TPRG1: variants seen among roughly 807,000 people sequenced by gnomAD.
TPRG1 encodes tumor protein p63-regulated gene 1 protein.
A neutral mutation model predicts 29.3 loss-of-function variants in TPRG1; 29 were observed. That is an observed-to-expected ratio of 0.99 (90% confidence interval 0.74 to 1.35). The LOEUF (loss-of-function observed/expected upper bound fraction) is 1.35, where lower values mean the gene tolerates loss of function less well. Among genes scored for constraint, TPRG1 ranks in the 40% most tolerant of loss-of-function variants. The pLI, the probability that TPRG1 is intolerant of heterozygous loss-of-function variation, is 0.00. For synonymous variants in TPRG1, 130 were observed against 116.8 expected (o/e 1.11, Z -0.73); for missense variants, 327 against 335.0 (o/e 0.98, Z 0.19).
chr3:189,082,136 C>T (rs370183872), intron 4 of TPRG1, among the ~76,000 whole-genome samples: 1 of 152,098 alleles, frequency 6.6e-6, no homozygotes, highest in South Asian at 2.1e-4. Flanking sequence ...GAGGGACACA[C>T]AAGGTGAAAA....
intron 1 of TPRG1, among the ~76,000 whole-genome samples, chr3:189,174,017 G>A (rs1055359694): frequency 1.3e-5 from 2 of 152,110 alleles, no homozygotes; most frequent in South Asian, 2.1e-4. Context: ...GGCAAGAGGT[G>A]GTGGCATCTT....
intron 4 of TPRG1, among the ~76,000 whole-genome samples, chr3:189,245,043 C>T (rs1335283147): frequency 2.6e-5 from 4 of 152,066 alleles, no homozygotes; most frequent in Non-Finnish European, 4.4e-5. Context: ...GCCTCAGCCT[C>T]CCAAGTAGCT....
intron 3 of TPRG1, among the ~76,000 whole-genome samples, chr3:189,008,490 C>T (rs961565948): frequency 1.1e-4 from 16 of 152,148 alleles, no homozygotes; most frequent in African/African-American, 1.9e-4. Flanking sequence ...GTGGAAATAA[C>T]CTTGGCCTGG....
upstream of TPRG1, among the ~76,000 whole-genome samples, chr3:189,099,344 C>T (rs926792028): frequency 6.6e-6 from 1 of 152,108 alleles, no homozygotes; most frequent in Non-Finnish European, 1.5e-5. Context: ...TGCTCTTGCG[C>T]TGACGAAGTG....
At chr3:189,038,188 A>G (rs1183878865) in intron 4 of TPRG1, among the ~76,000 whole-genome samples, 2 of 152,024 alleles carry the variant, frequency 1.3e-5, no homozygotes, top group African/African-American at 4.8e-5. Flanking sequence ...ATGATCAGAC[A>G]AGTAAAACAA....
chr3:189,123,164 C>T (rs1008489831), intron 1 of TPRG1, among the ~76,000 whole-genome samples: 2 of 152,132 alleles, frequency 1.3e-5, no homozygotes, highest in South Asian at 4.1e-4. Context: ...GAAATAGCCC[C>T]TTTAAAGAAT....
chr3:189,097,909 T>C (rs1718792670), upstream of TPRG1, among the ~76,000 whole-genome samples: 2 of 152,212 alleles, frequency 1.3e-5, no homozygotes, highest in African/African-American at 2.4e-5. Flanking sequence ...GGTTTCTGTG[T>C]TTTCCCCCCT....
chr3:189,015,535 C>T (rs191944641), intron 3 of TPRG1, among the ~76,000 whole-genome samples: 277 of 152,330 alleles, frequency 1.8e-3, no homozygotes, highest in African/African-American at 6.4e-3. Flanking sequence ...AAAATGCCCC[C>T]AGTGCATGTC....
chr3:189,012,898 G>A (rs375002624), intron 3 of TPRG1, among the ~76,000 whole-genome samples: 207 of 151,846 alleles, frequency 1.4e-3, no homozygotes, highest in African/African-American at 4.8e-3. Flanking sequence ...TTCTTTGTTA[G>A]TCTAGCTAGT....
chr3:189,243,056 G>T (rs968974489), intron 4 of TPRG1, among the ~76,000 whole-genome samples: 2 of 151,526 alleles, frequency 1.3e-5, no homozygotes, highest in African/African-American at 2.4e-5. Flanking sequence ...TCTCTCATTG[G>T]TATAAAGAAA....
intron 1 of TPRG1, among the ~76,000 whole-genome samples, chr3:189,182,864 A>G (rs765887299): frequency 1.5e-4 from 23 of 152,356 alleles, no homozygotes; most frequent in Non-Finnish European, 2.8e-4. Flanking sequence ...ATGTTTTGAC[A>G]TATGTATACA....
chr3:189,099,917 G>A (rs1011332094), upstream of TPRG1, among the ~76,000 whole-genome samples: 1 of 152,166 alleles, frequency 6.6e-6, no homozygotes, highest in African/African-American at 2.4e-5. Flanking sequence ...TCTACCAGAA[G>A]TCCAGTGATG....
intron 4 of TPRG1, among the ~76,000 whole-genome samples, chr3:189,277,974 G>A (rs7614851): frequency 0.087 from 13,179 of 152,132 alleles, 698 homozygotes; most frequent in African/African-American, 0.16. Context: ...AAGCCACGTC[G>A]AAGCCTATTT....
At chr3:189,155,437 G>T (rs1308646409) in intron 5 of TPRG1, among the ~76,000 whole-genome samples, 6 of 152,180 alleles carry the variant, frequency 3.9e-5, no homozygotes, top group South Asian at 2.1e-4. Flanking sequence ...TGCAGATGTG[G>T]TTAGAGATCT....
chr3:189,035,815 G>A (rs1714230895), intron 4 of TPRG1, among the ~76,000 whole-genome samples: 1 of 152,142 alleles, frequency 6.6e-6, no homozygotes. Context: ...CTTATACACT[G>A]TTAGTGGGAA....
At chr3:189,294,969 A>G (rs1719653837) in intron 4 of TPRG1, among the ~76,000 whole-genome samples, 1 of 152,218 alleles carries the variant, frequency 6.6e-6, no homozygotes, top group South Asian at 2.1e-4. Context: ...CCTCATTTAC[A>G]TAAGCTTTAG....
intron 1 of TPRG1, among the ~76,000 whole-genome samples, chr3:189,105,330 G>A (rs928181162): frequency 6.6e-6 from 1 of 151,996 alleles, no homozygotes; most frequent in Non-Finnish European, 1.5e-5. Flanking sequence ...TTCTCTATAT[G>A]GCCCTCAGAT....
chr3:189,312,728 G>A (rs774691024), intron 5 of TPRG1, among the ~76,000 whole-genome samples: 8 of 152,212 alleles, frequency 5.3e-5, no homozygotes, highest in Non-Finnish European at 8.8e-5. Flanking sequence ...ATCAAATAAT[G>A]CAAAAATAAA....
intron 1 of TPRG1, among the ~76,000 whole-genome samples, chr3:189,196,224 A>G (rs539981038): frequency 6.6e-6 from 1 of 152,316 alleles, no homozygotes; most frequent in East Asian, 1.9e-4. Context: ...TGAGTTAGAT[A>G]ATATCTGAAA....
Sources: allele counts gnomAD v4.1 joint callset (sites outside exome capture counted in the v4.1 genomes callset), GRCh38; gene constraint gnomAD v4.1.1; transcripts MANE v1.5; gene names NCBI Gene and HGNC (gene_info 2026-07-23, HGNC 2026-07-21).